The following SBNO2 variants were observed in gnomAD, a reference collection of about 807,000 sequenced individuals.
The protein encoded by SBNO2 is strawberry notch homolog 2.
In SBNO2, 89 loss-of-function variants were observed where a neutral mutation model predicts 146.3. The ratio of observed to expected loss-of-function variants is 0.61; its 90% CI spans 0.51 to 0.73. The LOEUF (loss-of-function observed/expected upper bound fraction) is 0.73. SBNO2 is among the 30% of genes least tolerant of loss of function. The probability of loss-of-function intolerance (pLI) is 0.00; values close to 1 mark genes in which losing one functional copy is unlikely to be tolerated. For synonymous variants in SBNO2, 1,147 were observed against 892.6 expected, an observed-to-expected ratio of 1.29 and a Z score of -5.08; for missense variants, 2,092 against 2,003.7, an observed-to-expected ratio of 1.04 and a Z score of -0.84.
Position 1,111,065 on chromosome 19 carries a change from G to T in SBNO2, c.2838C>A (p.Gly946=). 2 of 1,561,992 alleles carry T rather than the reference G, an allele frequency of 1.3e-6. No individual in the cohort carries two copies. The highest frequency in any genetic ancestry group is 1.4e-5 in the African/African-American group (1 of 73,640). ...CATTCCGGGACTCCCGGCCACCAAT[G>T]CCCACAGACAGCAGGCCCTGCTTCA... The part of the protein sequence containing the change: ...RDMKQGLLSV[G]IGGRESRNGC... Residue 946 remains glycine (G), a synonymous_variant, in exon 25 of 32, where the codon GGC becomes GGA. Transcript: ENST00000361757.
Position 1,108,569 on chromosome 19 carries a change from C to A in SBNO2, c.3752G>T (p.Cys1251Phe). Reference sequence around the variant, plus strand: ...GAGGTCCAGCACCTCTCCGGGGCCGCAAGGCAGCGCCAGCGGGCGCGGGGC... The same window carrying A: ...GAGGTCCAGCACCTCTCCGGGGCCGAAAGGCAGCGCCAGCGGGCGCGGGGC... ...PPAPRPLALP[C>F]GPGEVLDLTY... The change falls in exon 32 of 32, where the codon TGC (cysteine) becomes TTC (phenylalanine). Residue 1251 changes from cysteine (C) to phenylalanine (F), a missense_variant. Cys to Phe is a radical substitution (Grantham distance 205). Transcript: ENST00000361757. 8.2e-7 allele frequency: 1 copy of A among 1,221,598 alleles called. No individual in the cohort carries two copies. The highest frequency in any genetic ancestry group is 1.0e-6 in the Non-Finnish European group (1 of 975,510). 75.7% of individuals were successfully genotyped at this position (1,221,598 alleles called of 1,614,324 possible). A position where few individuals can be genotyped will look rare whatever the true frequency, so the allele number is the denominator to read the frequency against.
At chr19:1,151,824 A>G (rs1041882916) in intron 2 of SBNO2, among the ~76,000 whole-genome samples, 4 of 152,142 alleles carry the variant, frequency 2.6e-5, no homozygotes, top group Admixed American at 6.5e-5. Context: ...CACCACGCCC[A>G]GCTAACTTTT....
At chr19:1,152,895 G>A (rs1486991571) in intron 2 of SBNO2, among the ~76,000 whole-genome samples, 3 of 152,176 alleles carry the variant, frequency 2.0e-5, no homozygotes, top group African/African-American at 4.8e-5. Flanking sequence ...GCTCACGCCT[G>A]TAATCCCAGC....
intron 5 of SBNO2, among the ~76,000 whole-genome samples, chr19:1,125,076 G>A (rs764966308): frequency 3.3e-5 from 5 of 151,908 alleles, no homozygotes; most frequent in Non-Finnish European, 5.9e-5. Flanking sequence ...CATGGTCAGG[G>A]TACAGTGGCT....
rs892497442 is a variant in SBNO2 at position 1,158,756 on chromosome 19, A to G, written c.-126-4354T>C. On this transcript the variant is annotated intron_variant, in intron 1 of 31. Coordinates refer to ENST00000361757, the MANE Select transcript of SBNO2 (RefSeq NM_014963.3). This position sits in a 1 kb window ranked among gnomAD's most constrained non-coding sequence, Gnocchi z 9.9. ...CACAAGGCGCTCCCTGCGTCCCAGG[A>G]CCTGAAGATGGCAAGGAGCAGGCCC... 1.5e-4 allele frequency among the ~76,000 whole-genome samples: 23 copies of G among 152,156 alleles called. No homozygotes were observed. Among genetic ancestry groups the G allele is most frequent in the Non-Finnish European group, 2.9e-4 (20 of 68,004 alleles).
intron 4 of SBNO2, among the ~76,000 whole-genome samples, chr19:1,139,178 G>A (rs2080112561): frequency 6.6e-6 from 1 of 152,242 alleles, no homozygotes; most frequent in African/African-American, 2.4e-5. Context: ...GCCAGGCTCT[G>A]ACCCAGCCAT....
intron 1 of SBNO2, among the ~76,000 whole-genome samples, chr19:1,159,755 G>C (rs1424475500): frequency 5.4e-5 from 6 of 111,780 alleles, no homozygotes; most frequent in Non-Finnish European, 1.1e-4. Flanking sequence ...GAGACAGCGG[G>C]GAGATGGGGA....
At position 1,112,422 on chromosome 19, in the gene SBNO2, T is replaced by C. The variant is rs1239826805; in HGVS notation, c.2495A>G (p.Asp832Gly). ...CTCACCGAACTGCTGGATGGCGCGG[T>C]CGGCGCTCCACGGCAGCTCCAAGGT... ...HMTLELPWSA[D>G]RAIQQFGRTH... Residue 832 changes from aspartate to glycine, a missense_variant, in exon 21 of 32, where the codon GAC (aspartate) becomes GGC (glycine). Asp to Gly is a moderately conservative substitution (Grantham distance 94). Transcript: ENST00000361757. The surrounding 1 kb of genome is among the most constrained non-coding windows in gnomAD (Gnocchi z 5.9). 6.2e-7 allele frequency: 1 copy of C among 1,604,746 alleles called. No homozygotes were observed. Among genetic ancestry groups the C allele is most frequent in the Non-Finnish European group, 8.5e-7 (1 of 1,178,072 alleles).
In SBNO2 at chr19:1,108,917, G is replaced by A. The variant is rs1302269157; in HGVS notation, c.3478C>T (p.Arg1160Trp). 1.3e-6 allele frequency: 2 copies of A among 1,573,980 alleles called. No individual in the cohort carries two copies. The highest frequency in any genetic ancestry group is 1.1e-5 in the South Asian group (1 of 88,090). Residue 1160 changes from arginine (R) to tryptophan (W), a missense_variant, in exon 31 of 32, where the codon CGG becomes TGG. Physicochemically the swap from Arg to Trp is moderately radical, Grantham distance 101. Transcript: ENST00000361757. ...QEGKDCLQGL[R>W]LRHHYMLCGA... Reference sequence around the variant, plus strand: ...CACAGCATGTAGTGGTGCCGCAGCCGCAGCCCCTGCAGGCAGTCCTTACCC... The same window carrying A: ...CACAGCATGTAGTGGTGCCGCAGCCACAGCCCCTGCAGGCAGTCCTTACCC...
chr19:1,167,990 C>T (rs1387983019), intron 1 of SBNO2, among the ~76,000 whole-genome samples: 2 of 152,150 alleles, frequency 1.3e-5, no homozygotes, highest in African/African-American at 4.8e-5. Flanking sequence ...CCAAGTGGGG[C>T]AGGAGCCGCC....
chr19:1,172,055 T>C (rs1470903167), intron 1 of SBNO2, among the ~76,000 whole-genome samples: 2 of 152,136 alleles, frequency 1.3e-5, no homozygotes, highest in African/African-American at 4.8e-5. Flanking sequence ...AGCCCCTGCC[T>C]GCACAGCCCC....
At chr19:1,120,762 T>C (rs1027902278) in intron 11 of SBNO2, among the ~76,000 whole-genome samples, 2 of 152,044 alleles carry the variant, frequency 1.3e-5, no homozygotes, top group Admixed American at 6.6e-5. Context: ...TCCGACTCCC[T>C]GGTTCAAGCG....
At chr19:1,168,930 C>T (rs1449752835) in intron 1 of SBNO2, 1 of 152,288 alleles carries the variant, frequency 6.6e-6, no homozygotes, top group Non-Finnish European at 1.5e-5. Flanking sequence ...CAGAGACTCC[C>T]AGGAAACGCG....
In SBNO2 at chr19:1,109,767, G is replaced by T. The variant is rs773043382; in HGVS notation, c.3039C>A (p.Pro1013=). Residue 1013 remains proline, a synonymous_variant, in exon 27 of 32, where the codon CCC becomes CCA. Coordinates refer to ENST00000361757, the MANE Select transcript of SBNO2 (RefSeq NM_014963.3). The surrounding 1 kb of genome is among the most constrained non-coding windows in gnomAD (Gnocchi z 4.2). ...KYDMGILDLA[P]GIEEIYEESQ... ...TCTCCTCGTAGATCTCCTCGATACC[G>T]GGAGCAAGGTCTAGGGGGGCGGGTG... 6.9e-6 allele frequency: 11 copies of T among 1,594,054 alleles called. No individual in the cohort carries two copies. Among genetic ancestry groups the T allele is most frequent in the Non-Finnish European group, 9.4e-6 (11 of 1,167,924 alleles).
intron 4 of SBNO2, chr19:1,128,177 C>A: frequency 2.1e-6 from 1 of 484,300 alleles, no homozygotes; most frequent in Admixed American, 2.2e-5. Context: ...GTGAGAAACA[C>A]CAACCCTCAG....
In SBNO2 at chr19:1,112,367, G is replaced by T; in HGVS notation, c.2515+35C>A. The T allele has an allele frequency of 6.3e-7, 1 of 1,575,608 alleles. No homozygotes were observed. Among genetic ancestry groups the T allele is most frequent in the Non-Finnish European group, 8.6e-7 (1 of 1,164,088 alleles). On this transcript the variant is annotated intron_variant, in intron 21 of 31. Coordinates refer to ENST00000361757, the MANE Select transcript of SBNO2 (RefSeq NM_014963.3). The surrounding 1 kb of genome is among the most constrained non-coding windows in gnomAD (Gnocchi z 5.9). The stretch of plus-strand genomic sequence containing the variant: ...CGGGGCCGAGACCATGTTGGGGGCG[G>T]GGCCAGGCAGCGCTGGGGGCGGGGC...
In SBNO2 at chr19:1,116,022, T is replaced by C; in HGVS notation, c.1884A>G (p.Lys628=). 1 of 1,607,580 alleles carries C rather than the reference T, an allele frequency of 6.2e-7. No individual in the cohort carries two copies. Among genetic ancestry groups the C allele is most frequent in the East Asian group, 2.2e-5 (1 of 44,584 alleles). ...GGGGCCATGGGGGGCAGGGCTTACG[T>C]TTCCGCTTGCTGCCCGCTCCTCTGT... ...KRDRGAGSKR[K]RRPRGRGAKA... Residue 628 remains lysine, a splice_region_variant and synonymous_variant, in exon 17 of 32, where the codon AAA becomes AAG. Transcript: ENST00000361757.
chr19:1,111,943 T>C, intron 23 of SBNO2, 53 bp downstream of exon 23: 1 of 1,328,826 alleles, frequency 7.5e-7, no homozygotes, highest in Non-Finnish European at 1.0e-6. Flanking sequence ...GATCCGGCCC[T>C]CCCTAGACCC....
In SBNO2 at chr19:1,112,119, C is replaced by T; in HGVS notation, c.2629-52G>A. On this transcript the variant is annotated intron_variant, in intron 22 of 31. Coordinates refer to ENST00000361757, the MANE Select transcript of SBNO2 (RefSeq NM_014963.3). The surrounding 1 kb of genome is among the most constrained non-coding windows in gnomAD (Gnocchi z 5.9). ...TGGTCACCTGGGGTCTGGCCTCTAG[C>T]ACCCCACAAAGCTTTGGAGAGCCTT... The T allele has an allele frequency of 1.2e-6, 2 of 1,606,478 alleles. No individual in the cohort carries two copies. Among genetic ancestry groups the T allele is most frequent in the South Asian group, 1.1e-5 (1 of 90,182 alleles).
Sources: gnomAD v4.1 joint callset for allele counts (sites outside exome capture counted in the v4.1 genomes callset) on GRCh38, gnomAD v4.1.1 for gene constraint, Gnocchi (gnomAD v3.1) non-coding constraint, MANE v1.5 for transcripts, NCBI Gene and HGNC (gene_info 2026-07-23, HGNC 2026-07-21) for gene names.